Variants in HELZ observed in about 807,000 individuals in gnomAD.
The protein encoded by HELZ is helicase with zinc finger, also known as ATP-dependent RNA helicase with zinc finger domain.
A neutral mutation model predicts 218.2 loss-of-function variants in HELZ; 23 were observed. The observed-to-expected ratio is 0.11, with a 90% CI of 0.08 to 0.15. The LOEUF (loss-of-function observed/expected upper bound fraction) is 0.15. HELZ is among the 10% of genes least tolerant of loss of function. HELZ has a pLI of 1.00. For synonymous variants in HELZ, 814 were observed against 829.4 expected, an observed-to-expected ratio of 0.98 and a Z score of 0.32; for missense variants, 1,813 against 2,353.7, an observed-to-expected ratio of 0.77 and a Z score of 4.75.
chr17:67,109,181 A>C lies in HELZ; in HGVS notation c.4424T>G (p.Leu1475Arg). The change falls in exon 29 of 33, where the codon CTT becomes CGT. Residue 1475 changes from leucine (L) to arginine (R), a missense_variant. Coordinates refer to ENST00000358691, the MANE Select transcript of HELZ (RefSeq NM_014877.4). ...LRAIAQPGPI[L>R]PSHLNSFIDE... is the part of the protein sequence containing the mutation. ...AATGAAGCTATTCAGATGTGAAGGAAGAATGGGGCCGGGTTGTGCAATGGC... is the reference window on the plus strand; with the variant it reads ...AATGAAGCTATTCAGATGTGAAGGACGAATGGGGCCGGGTTGTGCAATGGC... 3.7e-6 allele frequency: 6 copies of C among 1,614,088 alleles called. No individual in the cohort carries two copies. The highest frequency in any genetic ancestry group is 4.2e-6 in the Non-Finnish European group (5 of 1,180,040).
rs201075484 is a variant in HELZ, at chr17:67,158,513, T to C, written c.2177+1748A>G. ...AGAAATACATTTGCAAGTTAACACC[T>C]TTCCCAAAGAGAAAAACTATGGCAA... On this transcript the variant is annotated intron_variant, in intron 17 of 32. Coordinates refer to ENST00000358691, the MANE Select transcript of HELZ (RefSeq NM_014877.4). 5.9e-5 allele frequency among the ~76,000 whole-genome samples: 9 copies of C among 152,214 alleles called. No individual in the cohort carries two copies. The East Asian group carries it at 1.3e-3, about 23-fold the overall frequency.
chr17:67,157,563 G>A (rs1252707927), intron 17 of HELZ, among the ~76,000 whole-genome samples: 1 of 152,172 alleles, frequency 6.6e-6, no homozygotes, highest in Non-Finnish European at 1.5e-5. Flanking sequence ...TTGGAGAATT[G>A]ACGGTAACAA....
chr17:67,176,451 T>G (rs766049268), intron 13 of HELZ: 2 of 152,248 alleles, frequency 1.3e-5, no homozygotes, highest in Non-Finnish European at 2.9e-5. Flanking sequence ...CTCTGATTAT[T>G]GCTTATGATC....
At position 67,188,164 on chromosome 17, in the gene HELZ, T is replaced by C. The variant is rs2039807065; in HGVS notation, c.1162+155A>G. 2 of 673,454 alleles carry C rather than the reference T, an allele frequency of 3.0e-6. No homozygotes were observed. Among genetic ancestry groups the C allele is most frequent in the Admixed American group, 5.9e-5 (2 of 33,762 alleles). 41.7% of individuals were successfully genotyped at this position (673,454 alleles called of 1,614,324 possible). A position where few individuals can be genotyped will look rare whatever the true frequency, so the allele number is the denominator to read the frequency against. On this transcript the variant is annotated intron_variant, in intron 12 of 32. Transcript: ENST00000358691. The surrounding 1 kb of genome is among the most constrained non-coding windows in gnomAD (Gnocchi z 4.1). ...AATCAGGGCACAGTGTGAATCATTA[T>C]AAGCCCATTACACAGTAAATGAGTC... is the stretch of plus-strand genomic sequence containing the variant.
Position 67,136,059 on chromosome 17 carries a change from G to A in HELZ, c.3093C>T (p.Tyr1031=). The A allele has an allele frequency of 6.2e-7, 1 of 1,613,938 alleles. No individual in the cohort carries two copies. The highest frequency in any genetic ancestry group is 8.5e-7 in the Non-Finnish European group (1 of 1,179,904). ...EDLDYGFLSN[Y]KLLNTAITRA... ...TTGTGATGGCAGTATTGAGAAGCTT[G>A]TAGTTAGATAAAAAACCATAATCTA... Residue 1031 remains tyrosine, a synonymous_variant, in exon 23 of 33, where the codon TAC becomes TAT. Transcript: ENST00000358691.
At chr17:67,221,950 T>C (rs746689) in intron 3 of HELZ, among the ~76,000 whole-genome samples, 3 of 151,808 alleles carry the variant, frequency 2.0e-5, no homozygotes, top group African/African-American at 4.8e-5. Context: ...TCATCCTCCT[T>C]CCTTGGCCTC....
chr17:67,118,187 T>G (rs1310784933), intron 27 of HELZ, among the ~76,000 whole-genome samples: 2 of 152,184 alleles, frequency 1.3e-5, no homozygotes, highest in African/African-American at 4.8e-5. Context: ...AACATATGCA[T>G]TAATAAAAAG....
At position 67,167,408 on chromosome 17, in the gene HELZ, G is replaced by A. The variant is rs186765889; in HGVS notation, c.1764+55C>T. 453 of 1,267,150 alleles carry A rather than the reference G, an allele frequency of 3.6e-4. 2 individuals are homozygous for A. The African/African-American group carries it at 3.8e-3, about 11-fold the overall frequency. The allele number at this position is 1,267,150 out of a possible 1,614,324, so 78.5% of individuals were successfully genotyped here. Reference sequence around the variant, plus strand: ...AAAAACTAAACCAGAGGAAGACTACGAGCTGATAATGAGGCTACAGACCAC... The same window carrying A: ...AAAAACTAAACCAGAGGAAGACTACAAGCTGATAATGAGGCTACAGACCAC... On this transcript the variant is annotated intron_variant, in intron 14 of 32. Coordinates refer to ENST00000358691, the MANE Select transcript of HELZ (RefSeq NM_014877.4).
rs146438726 is a variant in HELZ at position 67,235,235 on chromosome 17, G to A, written c.-19+4198C>T. Among the ~76,000 whole-genome samples, 724 of 152,088 alleles carry A rather than the reference G, an allele frequency of 4.8e-3. 2 individuals are homozygous for A. The highest frequency in any genetic ancestry group is 6.1e-3 in the Non-Finnish European group (416 of 67,992). ...AAAGAGACAACAGAAGGCCGGGCGC[G>A]GTGGCTCACACCTGTAATCCCAGCA... On this transcript the variant is annotated intron_variant, in intron 3 of 32. Transcript: ENST00000358691.
At chr17:67,218,846 GAGA>G (rs1250107947) in intron 3 of HELZ, 24 bp from the exon 4 acceptor site, 7 of 1,553,454 alleles carry the variant, frequency 4.5e-6, no homozygotes, top group Non-Finnish European at 6.2e-6. Flanking sequence ...GAAAGAACAA[GAGA>G]AGGTTTTTTA....
At chr17:67,196,420 C>A (rs962740145) in intron 7 of HELZ, among the ~76,000 whole-genome samples, 1 of 152,242 alleles carries the variant, frequency 6.6e-6, no homozygotes, top group East Asian at 1.9e-4. Flanking sequence ...CATGCTAGAT[C>A]GTTATCAGCG....
intron 31 of HELZ, among the ~76,000 whole-genome samples, chr17:67,096,548 C>T (rs1247828389): frequency 6.6e-6 from 1 of 152,226 alleles, no homozygotes; most frequent in Non-Finnish European, 1.5e-5. Context: ...CTTGCTGCAG[C>T]TTCTATATTA....
chr17:67,209,569 G>A (rs1480896676), intron 5 of HELZ, among the ~76,000 whole-genome samples: 5 of 152,194 alleles, frequency 3.3e-5, no homozygotes, highest in Non-Finnish European at 5.9e-5. Flanking sequence ...TTGTATTCCA[G>A]CCTAGGCAAC....
chr17:67,158,792 G>T (rs1598341808), intron 17 of HELZ, among the ~76,000 whole-genome samples: 1 of 151,960 alleles, frequency 6.6e-6, no homozygotes. Context: ...TGCATATCTA[G>T]ATGCACCACA....
intron 18 of HELZ, 71 bp downstream of exon 18, chr17:67,150,975 G>A: frequency 7.3e-7 from 1 of 1,371,552 alleles, no homozygotes; most frequent in Non-Finnish European, 1.0e-6. Context: ...ACACACTGTA[G>A]TTTGCCAATC....
At chr17:67,105,573 A>G (rs2037076052) in intron 31 of HELZ, among the ~76,000 whole-genome samples, 1 of 152,238 alleles carries the variant, frequency 6.6e-6, no homozygotes, top group Non-Finnish European at 1.5e-5. Flanking sequence ...AAAATCCACC[A>G]AATTGTACAA....
chr17:67,243,331 ATTCT>A (rs1335553998), intron 2 of HELZ, among the ~76,000 whole-genome samples: 1 of 152,208 alleles, frequency 6.6e-6, no homozygotes, highest in Non-Finnish European at 1.5e-5. Context: ...GACCTGCCTA[ATTCT>A]TTCTAACGGA....
In HELZ at chr17:67,123,815, C is replaced by CTGTGTGTGTGTGTGTG. The variant is rs58616216; in HGVS notation, c.3439+132_3439+147dup. On this transcript the variant is annotated intron_variant, in intron 25 of 32. Transcript: ENST00000358691. ...AAAAAATTGAGAGGTTCCAAAGTGA[C>CTGTGTGTGTGTGTGTG]TGTGTGTGTGTGTGTGTGTGTGTGT... 541 of 535,040 alleles carry CTGTGTGTGTGTGTGTG rather than the reference C, an allele frequency of 1.0e-3. 5 individuals carry two copies. The highest frequency in any genetic ancestry group is 8.1e-3 in the African/African-American group (389 of 48,222). 33.1% of individuals were successfully genotyped at this position (535,040 alleles called of 1,614,324 possible). A position where few individuals can be genotyped will look rare whatever the true frequency, so the allele number is the denominator to read the frequency against.
Position 67,195,412 on chromosome 17 carries a change from C to T in HELZ, c.481+7G>A, listed in dbSNP as rs1319730249. On this transcript the variant is annotated splice_region_variant and intron_variant, in intron 8 of 32. Coordinates refer to ENST00000358691, the MANE Select transcript of HELZ (RefSeq NM_014877.4). ...CTACCAGAAGTTACACAGCATTTGG[C>T]ACTTACCCTCATCTAAGTCTTCCAC... 2.5e-6 allele frequency: 4 copies of T among 1,570,374 alleles called. No homozygotes were observed. The highest frequency in any genetic ancestry group is 2.2e-5 in the East Asian group (1 of 44,654).
Sources: gnomAD v4.1 joint callset for allele counts (sites outside exome capture counted in the v4.1 genomes callset) on GRCh38, gnomAD v4.1.1 for gene constraint, Gnocchi (gnomAD v3.1) non-coding constraint, MANE v1.5 for transcripts, NCBI Gene and HGNC (gene_info 2026-07-23, HGNC 2026-07-21) for gene names.